Variants in ZDHHC17 observed in about 807,000 individuals in gnomAD.
ZDHHC17 encodes the protein zDHHC palmitoyltransferase 17, also known as palmitoyltransferase ZDHHC17.
In ZDHHC17, 40 loss-of-function variants were observed where a neutral mutation model predicts 90.3. That is an observed-to-expected ratio of 0.44 (90% confidence interval 0.34 to 0.58). The LOEUF is 0.58. ZDHHC17 is among the 20% of genes least tolerant of loss of function. The pLI, the probability that ZDHHC17 is intolerant of heterozygous loss-of-function variation, is 0.01. For missense variants in ZDHHC17, 614 were observed against 780.8 expected (o/e 0.79, Z 2.55); for synonymous variants, 235 against 252.4 (o/e 0.93, Z 0.65).
chr12:76,788,688 A>ATATTTTTTTTTTTTT (rs61663401), intron 1 of ZDHHC17, among the ~76,000 whole-genome samples: 3,690 of 98,282 alleles, frequency 0.038, 739 homozygotes, highest in East Asian at 0.085. Flanking sequence ...TGGAATCGCA[A>ATATTTTTTTTTTTTT]TTTTTTTTTT....
At chr12:76,771,803 C>G (rs1422941868) in intron 1 of ZDHHC17, among the ~76,000 whole-genome samples, 2 of 152,068 alleles carry the variant, frequency 1.3e-5, no homozygotes, top group African/African-American at 4.8e-5. Flanking sequence ...TAAGGATCCT[C>G]TTGTTGCAGA....
chr12:76,805,013 TC>T (rs1423282436), intron 2 of ZDHHC17, among the ~76,000 whole-genome samples: 3 of 152,158 alleles, frequency 2.0e-5, no homozygotes, highest in Admixed American at 1.3e-4. Context: ...TTTTTTACAG[TC>T]TGCCTTAAGA....
intron 1 of ZDHHC17, among the ~76,000 whole-genome samples, chr12:76,783,129 C>T (rs542683178): frequency 6.6e-6 from 1 of 152,296 alleles, no homozygotes; most frequent in East Asian, 1.9e-4. Flanking sequence ...AATTTCAGAT[C>T]TCTCAAAATG....
At chr12:76,810,003 G>A (rs1953000522) in intron 5 of ZDHHC17, 146 bp downstream of exon 5, 2 of 831,178 alleles carry the variant, frequency 2.4e-6, no homozygotes, top group Non-Finnish European at 3.6e-6. Context: ...GTTTGATATG[G>A]AGATATTTAA....
At chr12:76,797,290 G>A in intron 1 of ZDHHC17, 144 bp from the exon 2 acceptor site, 1 of 499,800 alleles carries the variant, frequency 2.0e-6, no homozygotes, top group Non-Finnish European at 3.4e-6. Flanking sequence ...AAATAAAAGA[G>A]TATAGACTTT....
At chr12:76,846,773 C>A (rs781361793) in intron 14 of ZDHHC17, 94 bp downstream of exon 14, 30 of 1,126,734 alleles carry the variant, frequency 2.7e-5, no homozygotes, top group Non-Finnish European at 3.6e-5. Context: ...TGACAAAGGT[C>A]GTTTAACTAA....
At position 76,850,997 on chromosome 12, in the gene ZDHHC17, C is replaced by G; in HGVS notation, c.*12C>G. ...ACCAGCTGGTGTAGCGACATCTTAT[C>G]CTATGAAGCATATTGCTGAGTGGTG... On this transcript the variant is annotated 3_prime_UTR_variant, in exon 17 of 17. Transcript: ENST00000426126. 1 of 1,613,640 alleles carries G rather than the reference C, an allele frequency of 6.2e-7. No individual in the cohort carries two copies. The highest frequency in any genetic ancestry group is 8.5e-7 in the Non-Finnish European group (1 of 1,179,780).
chr12:76,772,797 G>A (rs1015937638), intron 1 of ZDHHC17, among the ~76,000 whole-genome samples: 7 of 150,418 alleles, frequency 4.7e-5, no homozygotes, highest in African/African-American at 1.2e-4. Flanking sequence ...CACCCGCCTC[G>A]GCCTCCCAAA....
chr12:76,803,838 G>A (rs1322158555), intron 2 of ZDHHC17, among the ~76,000 whole-genome samples: 1 of 152,122 alleles, frequency 6.6e-6, no homozygotes, highest in African/African-American at 2.4e-5. Flanking sequence ...AATGTGAATT[G>A]GATTACCTCC....
chr12:76,832,986 A>G (rs954201716), intron 10 of ZDHHC17, among the ~76,000 whole-genome samples: 11 of 152,172 alleles, frequency 7.2e-5, no homozygotes, highest in Non-Finnish European at 8.8e-5. Flanking sequence ...AATAAATTTT[A>G]TCATGGAGGT....
intron 10 of ZDHHC17, among the ~76,000 whole-genome samples, chr12:76,829,973 G>A (rs778410138): frequency 4.6e-5 from 7 of 152,060 alleles, no homozygotes; most frequent in African/African-American, 7.2e-5. Context: ...GACTACAGGC[G>A]TGCACCACCA....
intron 2 of ZDHHC17, 37 bp from the exon 3 acceptor site, chr12:76,805,280 T>C: frequency 1.3e-6 from 2 of 1,518,700 alleles, no homozygotes; most frequent in Non-Finnish European, 1.8e-6. Context: ...CATTTCTTGT[T>C]AAATAATAAC....
Position 76,852,348 on chromosome 12 carries a change from CAATGTA to C in ZDHHC17, c.*1366_*1371del, listed in dbSNP as rs1451939564. ...GTCAGACTGATGACAGATCCTAGAC[CAATGTA>C]AAGAATGTGTATCTGTATATAAATA... On this transcript the variant is annotated 3_prime_UTR_variant, in exon 17 of 17. Transcript: ENST00000426126. 6 of 152,484 alleles carry C rather than the reference CAATGTA, an allele frequency of 3.9e-5. No homozygotes were observed. The highest frequency in any genetic ancestry group is 7.4e-5 in the Non-Finnish European group (5 of 68,010). 9.4% of individuals were successfully genotyped at this position (152,484 alleles called of 1,614,324 possible).
chr12:76,790,001 G>T (rs1296278855), intron 1 of ZDHHC17, among the ~76,000 whole-genome samples: 1 of 152,108 alleles, frequency 6.6e-6, no homozygotes, highest in Non-Finnish European at 1.5e-5. Flanking sequence ...CAAAGTATGG[G>T]CTTAGTTAAT....
intron 1 of ZDHHC17, among the ~76,000 whole-genome samples, chr12:76,786,127 T>C (rs975581423): frequency 6.6e-6 from 1 of 151,836 alleles, no homozygotes; most frequent in East Asian, 1.9e-4. Flanking sequence ...TCTTTCTTTT[T>C]TTTTTTTTAA....
At chr12:76,796,066 A>G (rs1952815960) in intron 1 of ZDHHC17, among the ~76,000 whole-genome samples, 2 of 152,184 alleles carry the variant, frequency 1.3e-5, no homozygotes, top group African/African-American at 4.8e-5. Context: ...AGTCTTCTAA[A>G]TTTATGGTTC....
At chr12:76,784,735 A>G (rs532996312) in intron 1 of ZDHHC17, among the ~76,000 whole-genome samples, 31 of 152,338 alleles carry the variant, frequency 2.0e-4, no homozygotes, top group Non-Finnish European at 4.3e-4. Flanking sequence ...AGAGTTTTTA[A>G]TCAAGATCCT....
At chr12:76,798,471 G>A (rs1245091929) in intron 2 of ZDHHC17, among the ~76,000 whole-genome samples, 1 of 151,948 alleles carries the variant, frequency 6.6e-6, no homozygotes, top group Non-Finnish European at 1.5e-5. Context: ...AAAACTTTGG[G>A]AGGCCAATGT....
At chr12:76,778,313 G>A (rs972704718) in intron 1 of ZDHHC17, among the ~76,000 whole-genome samples, 16 of 152,184 alleles carry the variant, frequency 1.1e-4, no homozygotes, top group Non-Finnish European at 2.4e-4. Flanking sequence ...ATGGGTTCAA[G>A]CGATTCTTCT....
Sources: allele counts gnomAD v4.1 joint callset (sites outside exome capture counted in the v4.1 genomes callset), GRCh38; gene constraint gnomAD v4.1.1; transcripts MANE v1.5; gene names NCBI Gene and HGNC (gene_info 2026-07-23, HGNC 2026-07-21).